The following RBKS variants were observed in gnomAD, a reference collection of about 807,000 sequenced individuals.
RBKS encodes the protein ribokinase.
RBKS carries 33 observed loss-of-function variants against 33.9 expected under a neutral mutation model. The observed-to-expected ratio is 0.97, with a 90% CI of 0.74 to 1.30. RBKS has a LOEUF of 1.30. RBKS is among the 50% of genes most tolerant of loss of function. The pLI, the probability that RBKS is intolerant of heterozygous loss-of-function variation, is 0.00. For missense variants in RBKS, 361 were observed against 392.6 expected (o/e 0.92, Z 0.68); for synonymous variants, 125 against 143.0 (o/e 0.87, Z 0.90).
At chr2:27,845,164 G>A (rs1180286194) in intron 4 of RBKS, among the ~76,000 whole-genome samples, 1 of 152,190 alleles carries the variant, frequency 6.6e-6, no homozygotes, top group East Asian at 1.9e-4. Context: ...CCATGTTGCT[G>A]TCTCCCAGAT....
intron 7 of RBKS, among the ~76,000 whole-genome samples, chr2:27,798,176 G>T (rs13027427): frequency 0.27 from 40,838 of 151,942 alleles, 6,236 homozygotes; most frequent in East Asian, 0.62. Context: ...CAGACATGGA[G>T]CAGGAAAGGA....
intron 1 of RBKS, chr2:27,870,906 C>A: frequency 2.2e-6 from 1 of 457,148 alleles, no homozygotes; most frequent in South Asian, 1.5e-5. Context: ...AAATACATTA[C>A]ACAAAACAAG....
intron 1 of RBKS, among the ~76,000 whole-genome samples, chr2:27,888,719 A>G (rs1438456758): frequency 2.0e-5 from 3 of 152,202 alleles, no homozygotes; most frequent in Non-Finnish European, 4.4e-5. Context: ...ATGTCTGCAA[A>G]CTATGGCCTG....
chr2:27,807,514 G>T (rs1462393667), intron 7 of RBKS, among the ~76,000 whole-genome samples: 1 of 152,078 alleles, frequency 6.6e-6, no homozygotes, highest in Admixed American at 6.5e-5. Context: ...CTGAGTAGCT[G>T]GGACTACAGG....
At chr2:27,850,027 G>T (rs1663707400) in intron 2 of RBKS, among the ~76,000 whole-genome samples, 1 of 152,118 alleles carries the variant, frequency 6.6e-6, no homozygotes, top group Admixed American at 6.6e-5. Flanking sequence ...CTAACCATTT[G>T]TCTGACTGCT....
Position 27,781,953 on chromosome 2 carries a change from CCTTA to C in RBKS, c.796-169_796-166del, listed in dbSNP as rs572549668. On this transcript the variant is annotated intron_variant, in intron 7 of 7. Coordinates refer to ENST00000302188, the MANE Select transcript of RBKS (RefSeq NM_022128.3). ...GTACTCAGACCCAGTTCTGTTAACA[CCTTA>C]CTGTGGTACATTTATCACCACTAAA... 3.1e-4 allele frequency among the ~76,000 whole-genome samples: 47 copies of C among 152,284 alleles called. No homozygotes were observed. The East Asian group carries it at 8.7e-3, about 28-fold the overall frequency.
At chr2:27,841,846 G>A (rs1663519569) in intron 5 of RBKS, among the ~76,000 whole-genome samples, 1 of 151,584 alleles carries the variant, frequency 6.6e-6, no homozygotes, top group Admixed American at 6.6e-5. Flanking sequence ...AAAAATCACA[G>A]AACTATTGCC....
At chr2:27,799,258 T>C (rs1184463396) in intron 7 of RBKS, among the ~76,000 whole-genome samples, 1 of 152,158 alleles carries the variant, frequency 6.6e-6, no homozygotes, top group Non-Finnish European at 1.5e-5. Context: ...GATGAAAGTC[T>C]CCAAGGTAAG....
rs1481982612 is a variant in RBKS, at chr2:27,858,459, T to C, written c.202A>G (p.Met68Val). ...CTTACCTTACACACCATGGACGTCA[T>C]TGCTCCAAGCCGAGCAGCTTGGACA... Reference protein sequence around the residue: ...QCVQAARLGAMTSMVCKVGKD... With the variant: ...QCVQAARLGAVTSMVCKVGKD... The change falls in exon 2 of 8, where the codon ATG becomes GTG. Residue 68 changes from methionine to valine, a missense_variant. Physicochemically the swap from Met to Val is conservative, Grantham distance 21. Transcript: ENST00000302188. 5.6e-6 allele frequency: 9 copies of C among 1,613,662 alleles called. No individual in the cohort carries two copies. Among genetic ancestry groups the C allele is most frequent in the African/African-American group, 4.0e-5 (3 of 74,874 alleles).
At chr2:27,841,766 CTTT>C (rs1249074441) in intron 5 of RBKS, among the ~76,000 whole-genome samples, 1 of 96,856 alleles carries the variant, frequency 1.0e-5, no homozygotes, top group Non-Finnish European at 2.0e-5. Context: ...ACACACTGTT[CTTT>C]TTCTTTTTTC....
Position 27,850,433 on chromosome 2 carries a change from T to C in RBKS, c.223-2336A>G, listed in dbSNP as rs193222995. Among the ~76,000 whole-genome samples the C allele has an allele frequency of 2.0e-4, 31 of 152,352 alleles. No individual in the cohort carries two copies. The East Asian group carries it at 4.6e-3, about 23-fold the overall frequency. On this transcript the variant is annotated intron_variant, in intron 2 of 7. Transcript: ENST00000302188. ...TCATATACCCACCATTATAGTACTA[T>C]ACACAATAGTTTCACTACCCTAAAA...
At chr2:27,840,379 C>CAA (rs1663465864) in intron 5 of RBKS, among the ~76,000 whole-genome samples, 1 of 149,066 alleles carries the variant, frequency 6.7e-6, no homozygotes, top group Admixed American at 6.6e-5. Context: ...CACACACACA[C>CAA]ACACACACAC....
At chr2:27,788,873 G>C (rs940317160) in intron 7 of RBKS, among the ~76,000 whole-genome samples, 2 of 152,138 alleles carry the variant, frequency 1.3e-5, no homozygotes, top group Non-Finnish European at 2.9e-5. Context: ...CAAATGGTGA[G>C]AGTTTCAAGG....
chr2:27,819,479 T>C (rs1379323117), intron 7 of RBKS, among the ~76,000 whole-genome samples: 1 of 152,234 alleles, frequency 6.6e-6, no homozygotes, highest in Non-Finnish European at 1.5e-5. Context: ...TACATGTTCC[T>C]CCATCTTTCA....
intron 7 of RBKS, among the ~76,000 whole-genome samples, chr2:27,822,319 G>GTT (rs1216562425): frequency 6.6e-6 from 1 of 152,174 alleles, no homozygotes; most frequent in Non-Finnish European, 1.5e-5. Flanking sequence ...ACTGGTGGCA[G>GTT]TGACAAGGGT....
intron 7 of RBKS, among the ~76,000 whole-genome samples, chr2:27,785,230 CAT>C (rs1261907173): frequency 2.6e-5 from 4 of 152,076 alleles, no homozygotes; most frequent in Non-Finnish European, 4.4e-5. Flanking sequence ...ATTTTATAAA[CAT>C]ATTTTAAAAA....
intron 1 of RBKS, among the ~76,000 whole-genome samples, chr2:27,879,634 A>G (rs1664381441): frequency 6.6e-6 from 1 of 152,116 alleles, no homozygotes; most frequent in African/African-American, 2.4e-5. Context: ...GTTCGTTGCA[A>G]ATTATCCAGT....
chr2:27,825,435 T>G (rs1678293748), intron 7 of RBKS, among the ~76,000 whole-genome samples: 1 of 152,236 alleles, frequency 6.6e-6, no homozygotes, highest in African/African-American at 2.4e-5. Flanking sequence ...TACTTAAACA[T>G]TTTCCTCAGT....
intron 7 of RBKS, among the ~76,000 whole-genome samples, chr2:27,804,397 T>C (rs776030739): frequency 3.3e-5 from 5 of 152,160 alleles, no homozygotes; most frequent in Admixed American, 6.5e-5. Flanking sequence ...TCCACAGGCC[T>C]AGGAACCACT....
Sources: allele counts gnomAD v4.1 joint callset (sites outside exome capture counted in the v4.1 genomes callset), GRCh38; gene constraint gnomAD v4.1.1; transcripts MANE v1.5; gene names NCBI Gene and HGNC (gene_info 2026-07-23, HGNC 2026-07-21).